Variants in CNRIP1 observed in about 807,000 individuals in gnomAD.
The protein encoded by CNRIP1 is CB1 cannabinoid receptor-interacting protein 1.
CNRIP1 carries 10 observed loss-of-function variants against 15.2 expected under a neutral mutation model. The ratio of observed to expected loss-of-function variants is 0.66; its 90% CI spans 0.41 to 1.12. CNRIP1 has a LOEUF of 1.12. Among genes scored for constraint, CNRIP1 ranks in the 50% most tolerant of loss-of-function variants. The pLI, the probability that CNRIP1 is intolerant of heterozygous loss-of-function variation, is 0.00. For missense variants in CNRIP1, 211 were observed against 214.7 expected (o/e 0.98, Z 0.11); for synonymous variants, 91 against 83.2 (o/e 1.09, Z -0.51).
intron 1 of CNRIP1, among the ~76,000 whole-genome samples, chr2:68,318,405 C>G (rs538934418): frequency 6.6e-6 from 1 of 152,278 alleles, no homozygotes; most frequent in South Asian, 2.1e-4. Context: ...GGGGCTCCAC[C>G]CGCAGTTCTT....
At chr2:68,288,718 TTAATATA>T (rs1258963108), downstream of CNRIP1, among the ~76,000 whole-genome samples, 3 of 152,202 alleles carry the variant, frequency 2.0e-5, no homozygotes, top group East Asian at 5.8e-4. Flanking sequence ...TTGGCAACAA[TTAATATA>T]TCCACAGAAA....
chr2:68,305,567 G>C (rs974845029), intron 2 of CNRIP1, among the ~76,000 whole-genome samples: 1 of 148,058 alleles, frequency 6.8e-6, no homozygotes, highest in East Asian at 2.0e-4. Context: ...AGGCCAAGGC[G>C]GGCAGTTCAC....
chr2:68,287,541 C>T (rs1671060641), intron 2 of CNRIP1, among the ~76,000 whole-genome samples: 1 of 152,166 alleles, frequency 6.6e-6, no homozygotes, highest in Non-Finnish European at 1.5e-5. Flanking sequence ...GCTATGGGTC[C>T]AACAAAAGGT....
In CNRIP1 at chr2:68,319,526, G is replaced by A. The variant is rs1032261127; in HGVS notation, c.-126C>T. ...GGGTGAGGGAGGTGGTGGAGCTGAG[G>A]CTGCCGCTAGGAACCCGCGCCGTCG... On this transcript the variant is annotated 5_prime_UTR_variant, in exon 1 of 3. Transcript: ENST00000263655. The A allele has an allele frequency of 1.9e-6, 2 of 1,039,886 alleles. No homozygotes were observed. The highest frequency in any genetic ancestry group is 2.6e-6 in the Non-Finnish European group (2 of 759,144). The allele number at this position is 1,039,886 out of a possible 1,614,324, so 64.4% of individuals were successfully genotyped here.
Position 68,319,537 on chromosome 2 carries a change from GA to G in CNRIP1, c.-138del. On this transcript the variant is annotated 5_prime_UTR_variant, in exon 1 of 3. An upstream open reading frame in the 5' UTR loses its in-frame stop. Coordinates refer to ENST00000263655, the MANE Select transcript of CNRIP1 (RefSeq NM_015463.3). Reference sequence around the variant, plus strand: ...GTGGTGGAGCTGAGGCTGCCGCTAGGAACCCGCGCCGTCGCCGCCGTCCGCC... The same window carrying G: ...GTGGTGGAGCTGAGGCTGCCGCTAGGACCCGCGCCGTCGCCGCCGTCCGCC... 1 of 932,842 alleles carries G rather than the reference GA, an allele frequency of 1.1e-6. No homozygotes were observed. Among genetic ancestry groups the G allele is most frequent in the Non-Finnish European group, 1.5e-6 (1 of 661,990 alleles). 57.8% of individuals were successfully genotyped at this position (932,842 alleles called of 1,614,324 possible).
chr2:68,314,127 A>T (rs914270809), intron 2 of CNRIP1, among the ~76,000 whole-genome samples: 3 of 152,052 alleles, frequency 2.0e-5, no homozygotes, highest in Non-Finnish European at 4.4e-5. Context: ...TATACTTTTC[A>T]TATTAGCAAT....
intron 2 of CNRIP1, among the ~76,000 whole-genome samples, chr2:68,299,893 C>T (rs1197090898): frequency 6.6e-6 from 1 of 152,332 alleles, no homozygotes; most frequent in East Asian, 1.9e-4. Context: ...CCTACTTCTA[C>T]TGCAGACATG....
At position 68,296,763 on chromosome 2, in the gene CNRIP1, G is replaced by A. The variant is rs1408741665; in HGVS notation, c.331-2737C>T. On this transcript the variant is annotated intron_variant, in intron 2 of 2. Coordinates refer to ENST00000263655, the MANE Select transcript of CNRIP1 (RefSeq NM_015463.3). ...AGCAATTCTCCTGCCTCAGCCTCCT[G>A]AGTAGCTGGGATTACAGGTGTGTGC... Among the ~76,000 whole-genome samples the A allele has an allele frequency of 4.6e-5, 7 of 152,086 alleles. No individual in the cohort carries two copies. In the South Asian group the frequency reaches 1.4e-3, roughly 31 times the overall value.
intron 2 of CNRIP1, among the ~76,000 whole-genome samples, chr2:68,308,161 C>A (rs1368666352): frequency 6.6e-6 from 1 of 151,950 alleles, no homozygotes; most frequent in Non-Finnish European, 1.5e-5. Flanking sequence ...CCACTGCACT[C>A]TAGCCTGGGT....
At chr2:68,284,279 A>T in exon 3 of CNRIP1, 1 of 509,240 alleles carries the variant, frequency 2.0e-6, no homozygotes. Flanking sequence ...AGGTCTAAAA[A>T]GGTAGAGTTT....
At chr2:68,309,151 T>C (rs1671980782) in intron 2 of CNRIP1, among the ~76,000 whole-genome samples, 1 of 152,220 alleles carries the variant, frequency 6.6e-6, no homozygotes. Flanking sequence ...CCAGTGTCAA[T>C]GTGCAACTCA....
Position 68,317,198 on chromosome 2 carries a change from T to C in CNRIP1, c.289A>G (p.Thr97Ala). ...GTYDTEGVTP[T>A]KSGERQPIQI... ...ATGGGTTGCCGTTCTCCACTCTTCG[T>C]TGGGGTCACACCTTCTGTGTCATAT... Residue 97 changes from threonine (T) to alanine (A), a missense_variant, in exon 2 of 3, where the codon ACG becomes GCG. Thr to Ala is a moderately conservative substitution (Grantham distance 58). Coordinates refer to ENST00000263655, the MANE Select transcript of CNRIP1 (RefSeq NM_015463.3). 6.2e-7 allele frequency: 1 copy of C among 1,614,226 alleles called. No homozygotes were observed. Among genetic ancestry groups the C allele is most frequent in the Non-Finnish European group, 8.5e-7 (1 of 1,180,052 alleles).
At chr2:68,298,443 T>C (rs1291781421) in intron 2 of CNRIP1, among the ~76,000 whole-genome samples, 1 of 152,044 alleles carries the variant, frequency 6.6e-6, no homozygotes, top group Non-Finnish European at 1.5e-5. Context: ...GAAATAAAAG[T>C]TGGTTATAAA....
At chr2:68,298,735 C>G (rs1169759040) in intron 2 of CNRIP1, among the ~76,000 whole-genome samples, 1 of 152,224 alleles carries the variant, frequency 6.6e-6, no homozygotes, top group Non-Finnish European at 1.5e-5. Flanking sequence ...GCTGTTTATA[C>G]TTCTCATTAG....
chr2:68,294,875 A>C (rs1671291389), intron 2 of CNRIP1, among the ~76,000 whole-genome samples: 1 of 152,310 alleles, frequency 6.6e-6, no homozygotes, highest in East Asian at 1.9e-4. Context: ...AGAAGTTAGC[A>C]TTCTACTTCC....
chr2:68,287,784 G>A (rs1279110858), intron 2 of CNRIP1, among the ~76,000 whole-genome samples: 2 of 152,200 alleles, frequency 1.3e-5, no homozygotes, highest in African/African-American at 2.4e-5. Flanking sequence ...CATGTGCCTC[G>A]ACGGGGGAGG....
chr2:68,309,388 G>T (rs77988496), intron 2 of CNRIP1, among the ~76,000 whole-genome samples: 1 of 151,982 alleles, frequency 6.6e-6, no homozygotes. Flanking sequence ...TTTATTTTTG[G>T]TCCTGACTTT....
At chr2:68,315,244 T>G (rs181824332) in intron 2 of CNRIP1, among the ~76,000 whole-genome samples, 82 of 152,206 alleles carry the variant, frequency 5.4e-4, no homozygotes, top group Non-Finnish European at 5.0e-4. Flanking sequence ...TAAATGAATA[T>G]GTCAGGATTT....
At chr2:68,287,371 T>A (rs1671056426) in intron 2 of CNRIP1, among the ~76,000 whole-genome samples, 1 of 152,168 alleles carries the variant, frequency 6.6e-6, no homozygotes, top group Non-Finnish European at 1.5e-5. Context: ...TGATACAACA[T>A]AAAGGACAGA....
Sources: allele counts gnomAD v4.1 joint callset (sites outside exome capture counted in the v4.1 genomes callset), GRCh38; gene constraint gnomAD v4.1.1; transcripts MANE v1.5; gene names NCBI Gene and HGNC (gene_info 2026-07-23, HGNC 2026-07-21).